The following CALN1 variants were observed in gnomAD, a reference collection of about 807,000 sequenced individuals.
The protein encoded by CALN1 is calneuron 1, also known as calcium-binding protein 8.
CALN1 carries 17 observed loss-of-function variants against 30.6 expected under a neutral mutation model. The observed-to-expected ratio is 0.56, with a 90% CI of 0.38 to 0.83. The LOEUF (loss-of-function observed/expected upper bound fraction) is 0.83. Ranked by LOEUF, CALN1 falls within the 40% of genes least tolerant of loss-of-function variation. The pLI is 0.00. For synonymous variants in CALN1, 156 were observed against 131.4 expected, an observed-to-expected ratio of 1.19 and a Z score of -1.28; for missense variants, 291 against 354.9, an observed-to-expected ratio of 0.82 and a Z score of 1.45.
chr7:72,140,229 C>T (rs187566242), intron 3 of CALN1, among the ~76,000 whole-genome samples: 7 of 150,992 alleles, frequency 4.6e-5, no homozygotes, highest in African/African-American at 1.7e-4. Context: ...CATGATTGCA[C>T]AACTTCACTC....
chr7:71,907,386 C>A (rs11767496), intron 5 of CALN1, among the ~76,000 whole-genome samples: 49,863 of 151,882 alleles, frequency 0.33, 9,183 homozygotes, highest in East Asian at 0.52. Flanking sequence ...AATTGGGGGC[C>A]ATGTGCACAG....
intron 3 of CALN1, among the ~76,000 whole-genome samples, chr7:72,152,518 A>C (rs1787330830): frequency 6.6e-6 from 1 of 152,094 alleles, no homozygotes; most frequent in South Asian, 2.1e-4. Context: ...GACCAGTTTG[A>C]TACAACCTAT....
At chr7:71,830,200 C>T (rs979788588) in intron 5 of CALN1, among the ~76,000 whole-genome samples, 18 of 151,878 alleles carry the variant, frequency 1.2e-4, no homozygotes, top group Non-Finnish European at 2.1e-4. Context: ...TGCGCCACCA[C>T]GGCTGGCTAA....
intron 4 of CALN1, among the ~76,000 whole-genome samples, chr7:72,027,823 C>A (rs1304614350): frequency 1.3e-5 from 2 of 151,098 alleles, no homozygotes; most frequent in African/African-American, 4.9e-5. Flanking sequence ...TTTGGGAGGC[C>A]GAGGTGGGCG....
intron 5 of CALN1, among the ~76,000 whole-genome samples, chr7:71,952,718 G>A (rs1796756992): frequency 1.3e-5 from 2 of 152,008 alleles, no homozygotes; most frequent in African/African-American, 4.8e-5. Flanking sequence ...GTGCCGGGCT[G>A]TTCCCTCTTG....
At chr7:72,477,928 A>T in the CALN1 span, among the ~76,000 whole-genome samples, 1 of 152,118 alleles carries the variant, frequency 6.6e-6, no homozygotes, top group Non-Finnish European at 1.5e-5. Context: ...CCTTTGTTCC[A>T]GTTACATTCG....
intron 5 of CALN1, among the ~76,000 whole-genome samples, chr7:71,845,292 C>T (rs928586914): frequency 1.4e-4 from 22 of 152,322 alleles, no homozygotes; most frequent in Non-Finnish European, 1.9e-4. Flanking sequence ...TCTATACTGA[C>T]GAATTCCATT....
chr7:72,123,971 G>A (rs991386649), intron 3 of CALN1, among the ~76,000 whole-genome samples: 1 of 152,132 alleles, frequency 6.6e-6, no homozygotes, highest in Admixed American at 6.6e-5. Context: ...CCTCATCCCA[G>A]CCCTCTGATA....
At chr7:71,921,833 C>T (rs527312423) in intron 5 of CALN1, among the ~76,000 whole-genome samples, 13 of 151,992 alleles carry the variant, frequency 8.6e-5, no homozygotes, top group South Asian at 4.2e-4. Flanking sequence ...CCATCCCCCC[C>T]GCCGCCATCC....
chr7:71,796,362 T>C (rs535954264), intron 6 of CALN1, among the ~76,000 whole-genome samples: 270 of 148,398 alleles, frequency 1.8e-3, no homozygotes, highest in African/African-American at 4.5e-3. Flanking sequence ...TTCTTTCTTT[T>C]TTTTTTTTTT....
chr7:72,385,509 C>T (rs1282903974), intron 2 of CALN1, among the ~76,000 whole-genome samples: 5 of 152,098 alleles, frequency 3.3e-5, no homozygotes, highest in African/African-American at 9.7e-5. Context: ...TTCATGTCCC[C>T]ACCCAAACCT....
intron 2 of CALN1, among the ~76,000 whole-genome samples, chr7:72,344,892 T>C (rs1033257548): frequency 6.8e-6 from 1 of 147,574 alleles, no homozygotes; most frequent in Non-Finnish European, 1.5e-5. Flanking sequence ...AAATAGCATA[T>C]ATTTATATCA....
intron 4 of CALN1, among the ~76,000 whole-genome samples, chr7:72,027,528 T>C (rs1207724529): frequency 1.3e-5 from 2 of 150,300 alleles, no homozygotes; most frequent in Non-Finnish European, 3.0e-5. Context: ...TTGGGCAACA[T>C]GGTGAAACCC....
chr7:72,050,151 A>T (rs566735207), intron 4 of CALN1, among the ~76,000 whole-genome samples: 5 of 152,262 alleles, frequency 3.3e-5, no homozygotes, highest in Admixed American at 1.3e-4. Flanking sequence ...CCCTGTTTTA[A>T]TAAGGCATAA....
chr7:72,069,498 C>T, intron 4 of CALN1, among the ~76,000 whole-genome samples: 1 of 152,180 alleles, frequency 6.6e-6, no homozygotes, highest in East Asian at 1.9e-4. Context: ...CCTCTTCCAG[C>T]TTGTGGTGTC....
intron 5 of CALN1, among the ~76,000 whole-genome samples, chr7:71,951,934 C>CT (rs112015462): frequency 0.028 from 4,103 of 146,822 alleles, 167 homozygotes; most frequent in African/African-American, 0.094. Context: ...CTGCTGCAGC[C>CT]TTTTTTTTTT....
chr7:71,848,154 G>T (rs1790429434), intron 5 of CALN1, among the ~76,000 whole-genome samples: 1 of 152,144 alleles, frequency 6.6e-6, no homozygotes, highest in Non-Finnish European at 1.5e-5. Flanking sequence ...TGGGAGAATG[G>T]TACTTTGGGA....
At chr7:71,944,743 A>G (rs1796321475) in intron 5 of CALN1, among the ~76,000 whole-genome samples, 2 of 152,214 alleles carry the variant, frequency 1.3e-5, no homozygotes, top group Admixed American at 1.3e-4. Context: ...GAATTAATAC[A>G]TCCGAAGTCA....
At chr7:72,406,234 C>A (rs73702936) in intron 1 of CALN1, among the ~76,000 whole-genome samples, 4,049 of 152,232 alleles carry the variant, frequency 0.027, 145 homozygotes, top group African/African-American at 0.091. Flanking sequence ...CTGCACAAGC[C>A]GGACTAACCA....
Sources: allele counts gnomAD v4.1 joint callset (sites outside exome capture counted in the v4.1 genomes callset), GRCh38; gene constraint gnomAD v4.1.1; transcripts MANE v1.5; gene names NCBI Gene and HGNC (gene_info 2026-07-23, HGNC 2026-07-21).